The following PDE12 variants were observed in gnomAD, a reference collection of about 807,000 sequenced individuals.
PDE12 encodes the protein 2',5'-phosphodiesterase 12.
A neutral mutation model predicts 45.4 loss-of-function variants in PDE12; 26 were observed. The ratio of observed to expected loss-of-function variants is 0.57; its 90% CI spans 0.42 to 0.79. The LOEUF is 0.79. Among genes scored for constraint, PDE12 ranks in the 30% least tolerant of loss-of-function variants. The probability of loss-of-function intolerance (pLI) is 0.00; values close to 1 mark genes in which losing one functional copy is unlikely to be tolerated. For synonymous variants in PDE12, 283 were observed against 323.9 expected (o/e 0.87, Z 1.36); for missense variants, 668 against 790.0 (o/e 0.85, Z 1.85).
At chr3:57,574,546 A>C in the PDE12 span, among the ~76,000 whole-genome samples, 1 of 152,078 alleles carries the variant, frequency 6.6e-6, no homozygotes, top group African/African-American at 2.4e-5. Flanking sequence ...AGTAGCTGGG[A>C]CTAAAGGCAC....
the PDE12 span, among the ~76,000 whole-genome samples, chr3:57,636,409 A>G: frequency 6.6e-6 from 1 of 152,228 alleles, no homozygotes; most frequent in Non-Finnish European, 1.5e-5. Flanking sequence ...GTAAATATTA[A>G]GTAAATGCAA....
At chr3:57,583,396 G>A in the PDE12 span, among the ~76,000 whole-genome samples, 4 of 152,148 alleles carry the variant, frequency 2.6e-5, no homozygotes, top group South Asian at 8.3e-4. Context: ...GAGAACTCCT[G>A]TTCTACAGGA....
chr3:57,643,625 C>G, the PDE12 span, among the ~76,000 whole-genome samples: 1 of 151,570 alleles, frequency 6.6e-6, no homozygotes, highest in Non-Finnish European at 1.5e-5. Context: ...GTCAGGAGTT[C>G]GAGCCAGTCT....
the PDE12 span, among the ~76,000 whole-genome samples, chr3:57,629,785 G>A: frequency 6.6e-6 from 1 of 151,532 alleles, no homozygotes; most frequent in South Asian, 2.1e-4. Context: ...GCCTCCCAAA[G>A]TGCTGGGATT....
At chr3:57,571,905 G>A in the PDE12 span, 1 of 249,874 alleles carries the variant, frequency 4.0e-6, no homozygotes. Context: ...TATTTGTCTG[G>A]GGCTCAAAAA....
At chr3:57,639,543 A>T in the PDE12 span, among the ~76,000 whole-genome samples, 255 of 152,296 alleles carry the variant, frequency 1.7e-3, no homozygotes, top group African/African-American at 5.7e-3. Flanking sequence ...ATTAAGATTT[A>T]AAAAAATTTA....
chr3:57,610,108 A>C, the PDE12 span, among the ~76,000 whole-genome samples: 1 of 152,212 alleles, frequency 6.6e-6, no homozygotes, highest in Non-Finnish European at 1.5e-5. Context: ...GTAATCCAGC[A>C]TATAAACAGA....
the PDE12 span, chr3:57,575,504 A>T: frequency 6.4e-7 from 1 of 1,552,910 alleles, no homozygotes. Context: ...TATCCTAGTA[A>T]GTCTTAATAG....
chr3:57,635,034 A>T, the PDE12 span, among the ~76,000 whole-genome samples: 1 of 152,224 alleles, frequency 6.6e-6, no homozygotes, highest in Non-Finnish European at 1.5e-5. Flanking sequence ...ATCATTACTT[A>T]AATTTTTCCC....
chr3:57,583,629 G>A, the PDE12 span, among the ~76,000 whole-genome samples: 5 of 151,956 alleles, frequency 3.3e-5, no homozygotes, highest in East Asian at 1.9e-4. Context: ...AAAGAACTAC[G>A]GATAAGAGAC....
chr3:57,604,679 C>T, the PDE12 span, among the ~76,000 whole-genome samples: 1 of 143,534 alleles, frequency 7.0e-6, no homozygotes, highest in Non-Finnish European at 1.5e-5. Context: ...GTGGTATGAT[C>T]GTGGCTCACT....
At chr3:57,588,095 A>T in the PDE12 span, among the ~76,000 whole-genome samples, 9 of 152,212 alleles carry the variant, frequency 5.9e-5, no homozygotes, top group Non-Finnish European at 1.2e-4. Context: ...CAAAATGAAA[A>T]CTATTACCAA....
the PDE12 span, chr3:57,597,245 G>A: frequency 7.1e-3 from 8,154 of 1,147,308 alleles, 202 homozygotes; most frequent in Non-Finnish European, 4.7e-3. Flanking sequence ...GGAAGAGAAA[G>A]AGCGGAGGAA....
the PDE12 span, among the ~76,000 whole-genome samples, chr3:57,645,321 C>T: frequency 4.0e-5 from 6 of 151,870 alleles, no homozygotes; most frequent in Admixed American, 6.6e-5. Flanking sequence ...ATTAGCCGGG[C>T]GTGGTGGCGC....
chr3:57,642,545 C>T, the PDE12 span, among the ~76,000 whole-genome samples: 69 of 151,992 alleles, frequency 4.5e-4, 1 homozygote, highest in Non-Finnish European at 2.6e-4. Flanking sequence ...TTTAGCATTC[C>T]TGGAGCAAAA....
chr3:57,566,366 T>C lies in PDE12; in HGVS notation c.*6362T>C, dbSNP rs1194353619. The stretch of plus-strand genomic sequence containing the variant: ...GTTCCATCTTATGGACGTACCACAT[T>C]TGTCCATTCATTAGTTGACAGACAT... On this transcript the variant is annotated 3_prime_UTR_variant, in exon 3 of 3. Transcript: ENST00000311180. 6.6e-6 allele frequency: 1 copy of C among 152,236 alleles called. No homozygotes were observed. The highest frequency in any genetic ancestry group is 2.4e-5 in the African/African-American group (1 of 41,466). 9.4% of individuals were successfully genotyped at this position (152,236 alleles called of 1,614,324 possible). A position where few individuals can be genotyped will look rare whatever the true frequency, so the allele number is the denominator to read the frequency against.
the PDE12 span, among the ~76,000 whole-genome samples, chr3:57,580,955 A>G: frequency 1.3e-5 from 2 of 152,132 alleles, no homozygotes; most frequent in Non-Finnish European, 2.9e-5. Flanking sequence ...CCAAAGTGAC[A>G]TTATTGAGAA....
chr3:57,561,261 G>A lies in PDE12; in HGVS notation c.*1257G>A. 3.0e-6 allele frequency: 3 copies of A among 985,522 alleles called. No individual in the cohort carries two copies. The highest frequency in any genetic ancestry group is 3.6e-6 in the Non-Finnish European group (3 of 829,718). The allele number at this position is 985,522 out of a possible 1,614,324, so 61.0% of individuals were successfully genotyped here. On this transcript the variant is annotated 3_prime_UTR_variant, in exon 3 of 3. Transcript: ENST00000311180. ...CTGATATGGGCTTGAAATTTTGGATGAATCATTGAGCATTTCTACACTAGA... is the reference window on the plus strand; with the variant it reads ...CTGATATGGGCTTGAAATTTTGGATAAATCATTGAGCATTTCTACACTAGA...
the PDE12 span, among the ~76,000 whole-genome samples, chr3:57,639,811 G>GT: frequency 6.6e-6 from 1 of 152,080 alleles, no homozygotes; most frequent in Admixed American, 6.5e-5. Context: ...AAAAATTTCA[G>GT]TAAGACCGAG....
Sources: allele counts gnomAD v4.1 joint callset (sites outside exome capture counted in the v4.1 genomes callset), GRCh38; gene constraint gnomAD v4.1.1; transcripts MANE v1.5; gene names NCBI Gene and HGNC (gene_info 2026-07-23, HGNC 2026-07-21).